The following MACROD2 variants were observed in gnomAD, a reference collection of about 807,000 sequenced individuals.
MACROD2 encodes the protein mono-ADP ribosylhydrolase 2.
A neutral mutation model predicts 70.4 loss-of-function variants in MACROD2; 36 were observed. The observed-to-expected ratio is 0.51, with a 90% CI of 0.39 to 0.68. The LOEUF is 0.68. Ranked by LOEUF, MACROD2 falls within the 30% of genes least tolerant of loss-of-function variation. The probability of loss-of-function intolerance (pLI) is 0.00; values close to 1 mark genes in which losing one functional copy is unlikely to be tolerated. For missense variants in MACROD2, 496 were observed against 538.4 expected, an observed-to-expected ratio of 0.92 and a Z score of 0.78; for synonymous variants, 172 against 178.8, an observed-to-expected ratio of 0.96 and a Z score of 0.30.
chr20:16,032,411 A>C (rs61043991), intron 15 of MACROD2, among the ~76,000 whole-genome samples: 15,342 of 152,140 alleles, frequency 0.1, 787 homozygotes, highest in East Asian at 0.16. Context: ...CTTGACATTA[A>C]AAAATTATAT....
intron 3 of MACROD2, among the ~76,000 whole-genome samples, chr20:14,176,626 A>G (rs1243290590): frequency 7.9e-5 from 12 of 152,190 alleles, no homozygotes; most frequent in Admixed American, 7.9e-4. Flanking sequence ...GCTGTGTTCT[A>G]TAGCATTCAG....
chr20:14,460,225 C>A (rs1309544266), intron 3 of MACROD2, among the ~76,000 whole-genome samples: 2 of 152,046 alleles, frequency 1.3e-5, no homozygotes, highest in African/African-American at 2.4e-5. Flanking sequence ...ATTTATAATC[C>A]TTTGGGTATA....
chr20:15,221,920 A>G (rs1467838761), intron 5 of MACROD2, among the ~76,000 whole-genome samples: 1 of 152,210 alleles, frequency 6.6e-6, no homozygotes, highest in African/African-American at 2.4e-5. Flanking sequence ...GCCTCTATCA[A>G]CTGTAAAATG....
At chr20:15,088,397 T>TTTTATA (rs1423606664) in intron 5 of MACROD2, among the ~76,000 whole-genome samples, 1 of 111,172 alleles carries the variant, frequency 9.0e-6, no homozygotes, top group African/African-American at 4.0e-5. Context: ...ATACTATATT[T>TTTTATA]TATATATATA....
intron 5 of MACROD2, among the ~76,000 whole-genome samples, chr20:14,800,625 A>T (rs531710357): frequency 6.6e-6 from 1 of 152,114 alleles, no homozygotes; most frequent in African/African-American, 2.4e-5. Flanking sequence ...AAATTCCACC[A>T]ATTAGGGGAT....
chr20:15,847,229 G>A (rs766354421), intron 8 of MACROD2, among the ~76,000 whole-genome samples: 5 of 151,910 alleles, frequency 3.3e-5, no homozygotes, highest in South Asian at 2.1e-4. Context: ...TAAATCATTC[G>A]GCTAAGCCCA....
intron 15 of MACROD2, among the ~76,000 whole-genome samples, chr20:15,990,021 A>C (rs1434044426): frequency 6.6e-6 from 1 of 152,178 alleles, no homozygotes; most frequent in Non-Finnish European, 1.5e-5. Flanking sequence ...GAAAAGAAGG[A>C]AAAATATTCA....
intron 8 of MACROD2, among the ~76,000 whole-genome samples, chr20:15,689,944 C>A (rs142875504): frequency 1.3e-5 from 2 of 152,214 alleles, no homozygotes; most frequent in East Asian, 3.9e-4. Context: ...AAAGGCACAG[C>A]CCCTCCATTC....
intron 5 of MACROD2, among the ~76,000 whole-genome samples, chr20:15,007,674 G>A (rs1031419507): frequency 2.6e-5 from 4 of 152,332 alleles, no homozygotes; most frequent in African/African-American, 7.2e-5. Context: ...TTTCTGGCCT[G>A]CCAGGAATGA....
intron 3 of MACROD2, among the ~76,000 whole-genome samples, chr20:14,474,207 G>C (rs116305456): frequency 6.6e-6 from 1 of 151,466 alleles, no homozygotes; most frequent in Non-Finnish European, 1.5e-5. Flanking sequence ...TTTTATTTTC[G>C]TTGCCTGTGA....
At chr20:14,960,761 A>G (rs2074576065) in intron 5 of MACROD2, among the ~76,000 whole-genome samples, 1 of 152,002 alleles carries the variant, frequency 6.6e-6, no homozygotes, top group South Asian at 2.1e-4. Context: ...TATACATGGA[A>G]CTTTTTTTTT....
chr20:14,048,719 G>A (rs1482861896), intron 2 of MACROD2, among the ~76,000 whole-genome samples: 1 of 151,606 alleles, frequency 6.6e-6, no homozygotes, highest in Non-Finnish European at 1.5e-5. Context: ...AGAATTTTCT[G>A]GACCAAAAAA....
At chr20:15,253,465 T>C (rs748388601) in intron 6 of MACROD2, among the ~76,000 whole-genome samples, 1 of 152,200 alleles carries the variant, frequency 6.6e-6, no homozygotes, top group Non-Finnish European at 1.5e-5. Flanking sequence ...ATTTCCCCAT[T>C]GTTAAATCTA....
intron 3 of MACROD2, among the ~76,000 whole-genome samples, chr20:14,302,799 C>T (rs779325802): frequency 2.2e-4 from 33 of 151,876 alleles, no homozygotes; most frequent in Non-Finnish European, 3.2e-4. Flanking sequence ...ATTACAGGCG[C>T]GCGCCACCAT....
chr20:14,679,655 G>A (rs78419549), intron 4 of MACROD2, among the ~76,000 whole-genome samples: 1 of 151,912 alleles, frequency 6.6e-6, no homozygotes, highest in African/African-American at 2.4e-5. Flanking sequence ...ACATATAGGG[G>A]TATTACCTTT....
chr20:15,539,717 G>A (rs563909867), intron 8 of MACROD2, among the ~76,000 whole-genome samples: 1 of 152,360 alleles, frequency 6.6e-6, no homozygotes, highest in South Asian at 2.1e-4. Flanking sequence ...GCCGGGCACG[G>A]TGGCTCATGC....
At chr20:14,539,942 TCA>T (rs1250691895) in intron 4 of MACROD2, among the ~76,000 whole-genome samples, 2 of 152,198 alleles carry the variant, frequency 1.3e-5, no homozygotes, top group Non-Finnish European at 2.9e-5. Flanking sequence ...CAAATCTGTT[TCA>T]CATGTGAACA....
At chr20:14,850,179 A>G in intron 5 of MACROD2, 1 of 319,312 alleles carries the variant, frequency 3.1e-6, no homozygotes, top group Non-Finnish European at 6.2e-6. Flanking sequence ...GTTTAGCTGG[A>G]AAACAAAAAG....
chr20:14,869,086 G>C (rs1568845235), intron 5 of MACROD2, among the ~76,000 whole-genome samples: 1 of 152,146 alleles, frequency 6.6e-6, no homozygotes, highest in Non-Finnish European at 1.5e-5. Flanking sequence ...TCTAAGCACA[G>C]GTCCTGTGCA....
Sources: allele counts gnomAD v4.1 joint callset (sites outside exome capture counted in the v4.1 genomes callset), GRCh38; gene constraint gnomAD v4.1.1; transcripts MANE v1.5; gene names NCBI Gene and HGNC (gene_info 2026-07-23, HGNC 2026-07-21).